The following MSR1 variants were observed in gnomAD, a reference collection of about 807,000 sequenced individuals.
The protein encoded by MSR1 is macrophage scavenger receptor types I and II.
MSR1 carries 53 observed loss-of-function variants against 47.2 expected under a neutral mutation model. The observed-to-expected ratio is 1.12, with a 90% confidence interval of 0.90 to 1.41. The LOEUF (loss-of-function observed/expected upper bound fraction) is 1.41. MSR1 is among the 40% of genes most tolerant of loss of function. The pLI, the probability that MSR1 is intolerant of heterozygous loss-of-function variation, is 0.00. For missense variants in MSR1, 786 were observed against 546.9 expected (o/e 1.44, Z -4.36); for synonymous variants, 239 against 185.6 (o/e 1.29, Z -2.34).
intron 1 of MSR1, among the ~76,000 whole-genome samples, chr8:16,188,616 A>C (rs1373229010): frequency 6.6e-6 from 1 of 151,978 alleles, no homozygotes; most frequent in Non-Finnish European, 1.5e-5. Context: ...CTAGGTTTTA[A>C]GTCCCACATG....
chr8:16,140,976 G>C (rs776618327), intron 8 of MSR1: 2 of 1,613,854 alleles, frequency 1.2e-6, no homozygotes, highest in African/African-American at 2.7e-5. Context: ...TGGTAGCAGA[G>C]GATGTCCCGC....
intron 2 of MSR1, among the ~76,000 whole-genome samples, chr8:16,175,617 CAT>C (rs1297199587): frequency 2.0e-5 from 3 of 152,124 alleles, no homozygotes; most frequent in Non-Finnish European, 4.4e-5. Context: ...CATATACAAA[CAT>C]AAATTTTATT....
rs1472474146 is a variant in MSR1 at position 16,189,431 on chromosome 8, C to CTTATTTTATAT, written c.-5+3166_-5+3167insATATAAAATAA. On this transcript the variant is annotated intron_variant, in intron 1 of 9. Coordinates refer to ENST00000262101, the MANE Select transcript of MSR1 (RefSeq NM_138715.3). ...TATATATATTTTATATATATAAAAT[C>CTTATTTTATAT]ATATTTTATATATATAAAATCTTAT... Among the ~76,000 whole-genome samples the CTTATTTTATAT allele has an allele frequency of 7.4e-3, 496 of 66,782 alleles. 2 individuals are homozygous for CTTATTTTATAT. The highest frequency in any genetic ancestry group is 0.02 in the African/African-American group (176 of 8,944). The allele number at this position is 66,782 out of a possible 152,430, so 43.8% of individuals were successfully genotyped here. A position where few individuals can be genotyped will look rare whatever the true frequency, so the allele number is the denominator to read the frequency against.
intron 1 of MSR1, among the ~76,000 whole-genome samples, chr8:16,187,361 C>T (rs1215951503): frequency 2.8e-5 from 2 of 71,458 alleles, no homozygotes; most frequent in South Asian, 5.2e-4. Flanking sequence ...AAAACTCTGT[C>T]TCCAAAAAAA....
At position 16,120,319 on chromosome 8, in the gene MSR1, G is replaced by T. The variant is rs927054473; in HGVS notation, c.1222+99C>A. The T allele has an allele frequency of 5.5e-6, 7 of 1,282,144 alleles. No homozygotes were observed. In the East Asian group the frequency reaches 9.4e-5, roughly 17 times the overall value. 79.4% of individuals were successfully genotyped at this position (1,282,144 alleles called of 1,614,324 possible). A position where few individuals can be genotyped will look rare whatever the true frequency, so the allele number is the denominator to read the frequency against. On this transcript the variant is annotated intron_variant, in intron 9 of 9. Transcript: ENST00000262101. ...TTGAATCCGGGAGGCAGAGGTTGCA[G>T]TGAGCCGAGATCGCGCCACTGCACT...
intron 7 of MSR1, among the ~76,000 whole-genome samples, chr8:16,148,466 CT>C (rs761803668): frequency 5.3e-5 from 7 of 131,322 alleles, no homozygotes; most frequent in African/African-American, 9.0e-5. Context: ...ATTTCTAAAA[CT>C]TTTTTTTTTG....
intron 2 of MSR1, among the ~76,000 whole-genome samples, chr8:16,175,842 A>C (rs1453896678): frequency 6.6e-6 from 1 of 152,224 alleles, no homozygotes; most frequent in Non-Finnish European, 1.5e-5. Context: ...AAGAAAAATG[A>C]AATAAAGTGA....
chr8:16,168,864 A>T lies in MSR1; in HGVS notation c.224T>A (p.Leu75His). The stretch of plus-strand genomic sequence containing the variant: ...GCAATTCTTCGTTTCCCACTTCAGG[A>T]GTTGAGCTGTATATTTAAGTAAAAA... Reference protein sequence around the residue: ...IPLIGIVAAQLLKWETKNCSV... With the variant: ...IPLIGIVAAQHLKWETKNCSV... Residue 75 changes from leucine (L) to histidine (H), a missense_variant, in exon 4 of 10, where the codon CTC becomes CAC. Physicochemically the swap from Leu to His is moderately conservative, Grantham distance 99. Coordinates refer to ENST00000262101, the MANE Select transcript of MSR1 (RefSeq NM_138715.3). 1 of 1,612,554 alleles carries T rather than the reference A, an allele frequency of 6.2e-7. No individual in the cohort carries two copies. Among genetic ancestry groups the T allele is most frequent in the Non-Finnish European group, 8.5e-7 (1 of 1,179,942 alleles).
intron 8 of MSR1, among the ~76,000 whole-genome samples, chr8:16,136,491 A>T (rs1800392712): frequency 6.6e-6 from 1 of 151,192 alleles, no homozygotes; most frequent in South Asian, 2.1e-4. Flanking sequence ...GGCATGTTTC[A>T]TTGTGATAAT....
chr8:16,123,088 G>A (rs577794602), intron 8 of MSR1, among the ~76,000 whole-genome samples: 10 of 152,048 alleles, frequency 6.6e-5, no homozygotes, highest in East Asian at 3.9e-4. Context: ...CTCGTGATCC[G>A]CCCGACTCGG....
Position 16,168,553 on chromosome 8 carries a change from A to C in MSR1, c.535T>G (p.Ser179Ala). Residue 179 changes from serine (S) to alanine (A), a missense_variant, in exon 4 of 10, where the codon TCC (serine) becomes GCC (alanine). Physicochemically the swap from Ser to Ala is moderately conservative, Grantham distance 99. Transcript: ENST00000262101. ...HGNAIDEISKSLISLNTTLLD... is the reference protein window; with the variant it reads ...HGNAIDEISKALISLNTTLLD... ...AATGTGGTATTCAAACTTATTAAGG[A>C]CTTGGAGATTTCATCTATTGCATTC... 3 of 1,614,122 alleles carry C rather than the reference A, an allele frequency of 1.9e-6. No homozygotes were observed.
At position 16,181,150 on chromosome 8, in the gene MSR1, A is replaced by G. The variant is rs1801819077; in HGVS notation, c.-4-3158T>C. 2.0e-5 allele frequency among the ~76,000 whole-genome samples: 3 copies of G among 152,270 alleles called. No homozygotes were observed. The South Asian group carries it at 6.2e-4, about 32-fold the overall frequency. On this transcript the variant is annotated intron_variant, in intron 1 of 9. Transcript: ENST00000262101. ...TAAAAAAAACTGACATGACAATAAA[A>G]CTTAGCAAAATTCACTTTAAAATAT...
intron 4 of MSR1, among the ~76,000 whole-genome samples, chr8:16,165,824 G>A (rs149966268): frequency 2.0e-5 from 3 of 152,010 alleles, no homozygotes; most frequent in Non-Finnish European, 4.4e-5. Flanking sequence ...AGACTTACCA[G>A]CTTTTATTGC....
chr8:16,118,102 T>G (rs899827679), intron 9 of MSR1, among the ~76,000 whole-genome samples: 2 of 152,190 alleles, frequency 1.3e-5, no homozygotes, highest in African/African-American at 4.8e-5. Flanking sequence ...TCCAGACTAG[T>G]GGTATTTTAG....
intron 3 of MSR1, among the ~76,000 whole-genome samples, chr8:16,170,949 A>C (rs1801467605): frequency 6.6e-6 from 1 of 152,202 alleles, no homozygotes; most frequent in African/African-American, 2.4e-5. Flanking sequence ...ACATTATCTC[A>C]GTTACAGAGT....
chr8:16,137,459 T>C (rs1013414585), intron 8 of MSR1, among the ~76,000 whole-genome samples: 6 of 152,132 alleles, frequency 3.9e-5, no homozygotes, highest in Non-Finnish European at 8.8e-5. Flanking sequence ...TCTCTTTCTC[T>C]CTTTCCCTCT....
chr8:16,122,056 G>A (rs1210277365), intron 8 of MSR1, among the ~76,000 whole-genome samples: 5 of 152,004 alleles, frequency 3.3e-5, no homozygotes, highest in African/African-American at 9.7e-5. Flanking sequence ...AAGGTGGCAT[G>A]TTACTATATA....
At chr8:16,148,452 T>G (rs1585161153) in intron 7 of MSR1, among the ~76,000 whole-genome samples, 2 of 150,020 alleles carry the variant, frequency 1.3e-5, no homozygotes, top group African/African-American at 4.9e-5. Flanking sequence ...CTGCTTTACG[T>G]AGAATTTCTA....
chr8:16,184,026 G>C (rs1036608942), intron 1 of MSR1, among the ~76,000 whole-genome samples: 1 of 150,694 alleles, frequency 6.6e-6, no homozygotes, highest in East Asian at 1.9e-4. Flanking sequence ...AGCAGAATCT[G>C]GGGTAAGGTC....
Sources: gnomAD v4.1 joint callset for allele counts (sites outside exome capture counted in the v4.1 genomes callset) on GRCh38, gnomAD v4.1.1 for gene constraint, MANE v1.5 for transcripts, NCBI Gene and HGNC (gene_info 2026-07-23, HGNC 2026-07-21) for gene names.